The following RBFOX1 variants were observed in gnomAD, a reference collection of about 807,000 sequenced individuals.
RBFOX1 encodes RNA binding protein fox-1 homolog 1.
RBFOX1 carries 8 observed loss-of-function variants against 57.7 expected under a neutral mutation model. The observed-to-expected ratio is 0.14, with a 90% CI of 0.08 to 0.25. The LOEUF (loss-of-function observed/expected upper bound fraction) is 0.25, where lower values mean the gene tolerates loss of function less well. Ranked by LOEUF, RBFOX1 falls within the 10% of genes least tolerant of loss-of-function variation. The probability of loss-of-function intolerance (pLI) is 1.00; values close to 1 mark genes in which losing one functional copy is unlikely to be tolerated. For synonymous variants in RBFOX1, 326 were observed against 222.4 expected (o/e 1.47, Z -4.15); for missense variants, 611 against 548.5 (o/e 1.11, Z -1.14).
chr16:5,967,926 G>A (rs867746695), intron 4 of RBFOX1, among the ~76,000 whole-genome samples: 1 of 152,006 alleles, frequency 6.6e-6, no homozygotes, highest in Non-Finnish European at 1.5e-5. Flanking sequence ...TCTGTTTTTC[G>A]TAGTTGTGCT....
intron 4 of RBFOX1, among the ~76,000 whole-genome samples, chr16:7,107,804 T>C (rs1366351844): frequency 6.6e-6 from 1 of 152,130 alleles, no homozygotes; most frequent in Non-Finnish European, 1.5e-5. Flanking sequence ...CATATGTCTT[T>C]TTGTGTCTGA....
intron 3 of RBFOX1, among the ~76,000 whole-genome samples, chr16:5,693,007 C>T (rs1311753470): frequency 2.0e-5 from 3 of 152,170 alleles, no homozygotes; most frequent in Non-Finnish European, 4.4e-5. Flanking sequence ...TTTCCAGCTT[C>T]CCCCCAGCTC....
At chr16:6,281,457 A>T (rs578031430) in intron 1 of RBFOX1, among the ~76,000 whole-genome samples, 1 of 152,206 alleles carries the variant, frequency 6.6e-6, no homozygotes, top group East Asian at 1.9e-4. Flanking sequence ...TAATTCAGAA[A>T]ATTACCATGA....
intron 11 of RBFOX1, among the ~76,000 whole-genome samples, chr16:7,647,622 T>A (rs564962510): frequency 1.3e-5 from 2 of 152,286 alleles, no homozygotes; most frequent in South Asian, 2.1e-4. Context: ...TCCCCTAACA[T>A]TGTTTTTTAA....
chr16:7,310,691 G>T (rs2096286920), intron 4 of RBFOX1, among the ~76,000 whole-genome samples: 1 of 152,088 alleles, frequency 6.6e-6, no homozygotes, highest in Admixed American at 6.6e-5. Context: ...ACATAGACTT[G>T]CCCAAACCAA....
chr16:6,402,228 A>G (rs1333643965), intron 2 of RBFOX1, among the ~76,000 whole-genome samples: 2 of 152,168 alleles, frequency 1.3e-5, no homozygotes, highest in African/African-American at 4.8e-5. Context: ...GCATATAGGA[A>G]TGACCCTGAC....
intron 2 of RBFOX1, among the ~76,000 whole-genome samples, chr16:6,613,960 A>G (rs2098108089): frequency 6.6e-6 from 1 of 152,202 alleles, no homozygotes. Flanking sequence ...AGAAAAAAGA[A>G]GATAGATTCA....
chr16:5,454,758 T>TTTCCTTTTCTTTTCTTTC (rs2068530324), intron 1 of RBFOX1, among the ~76,000 whole-genome samples: 2 of 39,666 alleles, frequency 5.0e-5, no homozygotes. Context: ...TCTTTTCTTT[T>TTTCCTTTTCTTTTCTTTC]CTTTCTTTCT....
chr16:7,215,596 C>T (rs1291111213), intron 4 of RBFOX1, among the ~76,000 whole-genome samples: 5 of 152,150 alleles, frequency 3.3e-5, no homozygotes, highest in African/African-American at 9.7e-5. Flanking sequence ...GCCATGACCA[C>T]ATTCTAAATT....
At chr16:5,387,618 C>A (rs930685922) in intron 1 of RBFOX1, among the ~76,000 whole-genome samples, 1 of 152,182 alleles carries the variant, frequency 6.6e-6, no homozygotes, top group African/African-American at 2.4e-5. Flanking sequence ...ACGGCCACAC[C>A]TATTGGCAAG....
intron 2 of RBFOX1, among the ~76,000 whole-genome samples, chr16:6,433,654 C>T (rs2094156127): frequency 6.6e-6 from 1 of 152,020 alleles, no homozygotes; most frequent in Non-Finnish European, 1.5e-5. Context: ...GGATAAAATC[C>T]AGGTGTTAGC....
intron 4 of RBFOX1, among the ~76,000 whole-genome samples, chr16:7,437,939 T>C (rs1239317001): frequency 6.6e-6 from 1 of 151,934 alleles, no homozygotes; most frequent in Non-Finnish European, 1.5e-5. Flanking sequence ...CGATCATCAA[T>C]TTAAATTCTT....
At chr16:6,534,055 A>G (rs9938080) in intron 2 of RBFOX1, among the ~76,000 whole-genome samples, 148,834 of 152,222 alleles carry the variant, frequency 0.98, 72,837 homozygotes, top group Non-Finnish European at 1. Context: ...ATATTTTATC[A>G]AGAGAAATGA....
At chr16:6,984,034 G>A (rs1404785412) in intron 3 of RBFOX1, among the ~76,000 whole-genome samples, 1 of 152,094 alleles carries the variant, frequency 6.6e-6, no homozygotes, top group African/African-American at 2.4e-5. Flanking sequence ...GATCACCTGA[G>A]GTCAGGAGTT....
At position 6,754,406 on chromosome 16, in the gene RBFOX1, T is replaced by C. The variant is rs565628404; in HGVS notation, c.-16+99756T>C. Reference sequence around the variant, plus strand: ...TGTAAAAGCAAAGTCATCTTGGGAATTATATTTCAAAACCTACGGTCGAAG... The same window carrying C: ...TGTAAAAGCAAAGTCATCTTGGGAACTATATTTCAAAACCTACGGTCGAAG... On this transcript the variant is annotated intron_variant, in intron 3 of 15. Transcript: ENST00000550418. Among the ~76,000 whole-genome samples, 166 of 152,344 alleles carry C rather than the reference T, an allele frequency of 1.1e-3. 3 individuals are homozygous for C. In the South Asian group the frequency reaches 0.034, roughly 31 times the overall value.
At chr16:5,932,282 A>G (rs765386650) in intron 4 of RBFOX1, among the ~76,000 whole-genome samples, 7 of 152,208 alleles carry the variant, frequency 4.6e-5, no homozygotes, top group Admixed American at 1.3e-4. Flanking sequence ...GCCGTGCCCT[A>G]AGGAATACAG....
chr16:6,229,935 T>C (rs1195391881), intron 1 of RBFOX1, among the ~76,000 whole-genome samples: 1 of 152,158 alleles, frequency 6.6e-6, no homozygotes, highest in Admixed American at 6.6e-5. Context: ...TCATCCCTTA[T>C]TTTAAAGGAA....
chr16:6,601,149 C>G (rs570332607), intron 2 of RBFOX1, among the ~76,000 whole-genome samples: 1 of 152,244 alleles, frequency 6.6e-6, no homozygotes, highest in Non-Finnish European at 1.5e-5. Context: ...GGGCTTTAAA[C>G]TGAAGAACAG....
intron 2 of RBFOX1, among the ~76,000 whole-genome samples, chr16:5,573,334 T>G (rs923879894): frequency 6.6e-6 from 1 of 152,178 alleles, no homozygotes; most frequent in Non-Finnish European, 1.5e-5. Context: ...TCTCCAGCTT[T>G]CTCATCACTG....
Sources: gnomAD v4.1 joint callset for allele counts (sites outside exome capture counted in the v4.1 genomes callset) on GRCh38, gnomAD v4.1.1 for gene constraint, MANE v1.5 for transcripts, NCBI Gene and HGNC (gene_info 2026-07-23, HGNC 2026-07-21) for gene names.